Variants in PRTFDC1 observed in about 807,000 individuals in gnomAD.
PRTFDC1 encodes the protein phosphoribosyltransferase domain-containing protein 1.
A neutral mutation model predicts 34.6 loss-of-function variants in PRTFDC1; 38 were observed. That is an observed-to-expected ratio of 1.10 (90% confidence interval 0.85 to 1.44). The LOEUF is 1.44. Ranked by LOEUF, PRTFDC1 falls within the 40% of genes most tolerant of loss-of-function variation. PRTFDC1 has a pLI of 0.00. For synonymous variants in PRTFDC1, 93 were observed against 98.1 expected (o/e 0.95, Z 0.31); for missense variants, 270 against 283.0 (o/e 0.95, Z 0.33).
chr10:24,938,789 G>A (rs1006875101), intron 2 of PRTFDC1, among the ~76,000 whole-genome samples: 2 of 152,222 alleles, frequency 1.3e-5, no homozygotes, highest in African/African-American at 2.4e-5. Flanking sequence ...GACAGTGAAG[G>A]CTGTGTACAT....
At chr10:24,934,254 A>AAGAAGAAGAAGG (rs1554765940) in intron 3 of PRTFDC1, among the ~76,000 whole-genome samples, 2 of 46,664 alleles carry the variant, frequency 4.3e-5, no homozygotes, top group African/African-American at 2.9e-4. Flanking sequence ...GAAGGAGAAG[A>AAGAAGAAGAAGG]AGAAGAAGAA....
At chr10:24,926,669 A>G (rs989180822) in intron 3 of PRTFDC1, among the ~76,000 whole-genome samples, 2 of 152,192 alleles carry the variant, frequency 1.3e-5, no homozygotes, top group African/African-American at 2.4e-5. Context: ...TCTTTCAACT[A>G]CTTATGACCC....
At chr10:24,855,401 C>A in intron 6 of PRTFDC1, 37 bp from the exon 7 acceptor site, 1 of 1,606,106 alleles carries the variant, frequency 6.2e-7, no homozygotes, top group Non-Finnish European at 8.5e-7. Context: ...TGAACCCAAT[C>A]AAATCTCTAT....
intron 3 of PRTFDC1, among the ~76,000 whole-genome samples, chr10:24,898,306 A>C (rs1168383241): frequency 3.6e-5 from 5 of 138,970 alleles, no homozygotes; most frequent in African/African-American, 5.4e-5. Context: ...AAAAAAAAAA[A>C]CACAAAAATT....
At chr10:24,929,381 A>G (rs557780124) in intron 3 of PRTFDC1, among the ~76,000 whole-genome samples, 3 of 152,210 alleles carry the variant, frequency 2.0e-5, no homozygotes, top group African/African-American at 7.2e-5. Flanking sequence ...AGGGGCCCAC[A>G]TCCCCTGTGT....
At chr10:24,904,151 G>A (rs969842420) in intron 3 of PRTFDC1, among the ~76,000 whole-genome samples, 3 of 152,132 alleles carry the variant, frequency 2.0e-5, no homozygotes, top group African/African-American at 7.2e-5. Flanking sequence ...AACAGAGGTA[G>A]CTTGTGTGGA....
intron 3 of PRTFDC1, among the ~76,000 whole-genome samples, chr10:24,909,404 A>C (rs2132565517): frequency 6.6e-6 from 1 of 152,318 alleles, no homozygotes; most frequent in African/African-American, 2.4e-5. Flanking sequence ...CTCATGGTCC[A>C]GCTTTCATTT....
chr10:24,886,956 C>CTTTTTTTTTTTTT (rs57910963), intron 3 of PRTFDC1, among the ~76,000 whole-genome samples: 11 of 86,410 alleles, frequency 1.3e-4, no homozygotes, highest in African/African-American at 3.4e-4. Flanking sequence ...AATACTCCTT[C>CTTTTTTTTTTTTT]TTTTTTTTTT....
chr10:24,904,482 A>G (rs1486791296), intron 3 of PRTFDC1, among the ~76,000 whole-genome samples: 1 of 152,144 alleles, frequency 6.6e-6, no homozygotes, highest in Non-Finnish European at 1.5e-5. Flanking sequence ...CAAGTCTTCG[A>G]GTAGGTGTGC....
chr10:24,851,927 T>A (rs2132484687), intron 7 of PRTFDC1, among the ~76,000 whole-genome samples: 1 of 152,040 alleles, frequency 6.6e-6, no homozygotes, highest in Admixed American at 6.6e-5. Flanking sequence ...TCTCCCGCTG[T>A]ACTCAGTGTC....
chr10:24,951,237 C>T (rs940683682), intron 1 of PRTFDC1, among the ~76,000 whole-genome samples: 2 of 152,136 alleles, frequency 1.3e-5, no homozygotes, highest in Non-Finnish European at 2.9e-5. Context: ...CCTTCTCCTC[C>T]AATTACCCTC....
At chr10:24,918,738 G>A (rs551931127) in intron 3 of PRTFDC1, among the ~76,000 whole-genome samples, 2 of 152,102 alleles carry the variant, frequency 1.3e-5, no homozygotes, top group African/African-American at 2.4e-5. Flanking sequence ...TTCAATAGAC[G>A]TTCCAAGACA....
chr10:24,909,926 G>A (rs192714753), intron 3 of PRTFDC1, among the ~76,000 whole-genome samples: 1 of 152,032 alleles, frequency 6.6e-6, no homozygotes, highest in Admixed American at 6.6e-5. Flanking sequence ...CAAGGCGGGT[G>A]GATCGCTTGA....
At chr10:24,924,534 A>C (rs1333744828) in intron 3 of PRTFDC1, among the ~76,000 whole-genome samples, 1 of 152,236 alleles carries the variant, frequency 6.6e-6, no homozygotes, top group East Asian at 1.9e-4. Context: ...GTGAACAGAC[A>C]ACCTACAGAA....
chr10:24,894,897 GAC>G (rs1848324229), intron 3 of PRTFDC1, among the ~76,000 whole-genome samples: 1 of 152,046 alleles, frequency 6.6e-6, no homozygotes, highest in Admixed American at 6.6e-5. Flanking sequence ...AAGTAGTGGC[GAC>G]ACACACCACT....
intron 7 of PRTFDC1, among the ~76,000 whole-genome samples, chr10:24,852,875 T>C (rs561180629): frequency 1.6e-4 from 25 of 152,112 alleles, no homozygotes; most frequent in Non-Finnish European, 3.2e-4. Context: ...AACGACTGGT[T>C]CATGCTCATA....
chr10:24,908,681 C>A, intron 3 of PRTFDC1: 1 of 1,597,928 alleles, frequency 6.3e-7, no homozygotes, highest in Non-Finnish European at 8.5e-7. Flanking sequence ...CAACCGAGCA[C>A]GCAGCTTTGG....
intron 7 of PRTFDC1, among the ~76,000 whole-genome samples, chr10:24,854,453 G>T (rs747909472): frequency 8.5e-5 from 13 of 152,156 alleles, no homozygotes; most frequent in Non-Finnish European, 1.8e-4. Context: ...CATCCATACT[G>T]CACTTCTCTT....
intron 7 of PRTFDC1, 98 bp downstream of exon 7, chr10:24,855,220 T>C (rs1847551831): frequency 1.6e-6 from 2 of 1,215,826 alleles, no homozygotes; most frequent in Middle Eastern, 2.1e-4. Context: ...CCACATGCAA[T>C]GCTGTCAAAT....
Sources: allele counts gnomAD v4.1 joint callset (sites outside exome capture counted in the v4.1 genomes callset), GRCh38; gene constraint gnomAD v4.1.1; transcripts MANE v1.5; gene names NCBI Gene and HGNC (gene_info 2026-07-23, HGNC 2026-07-21).